The following SPTAN1 variants were observed in gnomAD, a reference collection of about 807,000 sequenced individuals.
SPTAN1 encodes spectrin alpha chain, non-erythrocytic 1.
Under a neutral mutation model 331.3 loss-of-function variants are expected in SPTAN1, and 61 were observed. The ratio of observed to expected loss-of-function variants is 0.18; its 90% CI spans 0.15 to 0.23. The LOEUF is 0.23. Ranked by LOEUF, SPTAN1 falls within the 10% of genes least tolerant of loss-of-function variation. The pLI is 1.00. For synonymous variants in SPTAN1, 1,153 were observed against 1,173.9 expected, an observed-to-expected ratio of 0.98 and a Z score of 0.36; for missense variants, 2,043 against 3,147.9, an observed-to-expected ratio of 0.65 and a Z score of 8.40.
At chr9:128,617,083 G>GA (rs1333740808) in intron 41 of SPTAN1, among the ~76,000 whole-genome samples, 3 of 151,138 alleles carry the variant, frequency 2.0e-5, no homozygotes, top group Non-Finnish European at 4.4e-5. Flanking sequence ...ACCAAAAATA[G>GA]AAAAAATTAG....
chr9:128,613,572 AGAGT>A (rs1856799590), intron 40 of SPTAN1, 87 bp downstream of exon 40: 2 of 1,112,290 alleles, frequency 1.8e-6, no homozygotes. Context: ...TTGAGAAAAG[AGAGT>A]GACTTCTTTC....
intron 1 of SPTAN1, among the ~76,000 whole-genome samples, chr9:128,566,422 A>T (rs187627393): frequency 2.0e-5 from 3 of 152,218 alleles, no homozygotes; most frequent in African/African-American, 7.2e-5. Context: ...TTTCCTCTGA[A>T]TCCTTGAAGC....
intron 28 of SPTAN1, 56 bp from the exon 29 acceptor site, chr9:128,604,270 C>T: frequency 2.6e-6 from 4 of 1,562,208 alleles, no homozygotes; most frequent in Non-Finnish European, 3.5e-6. Context: ...CAAAGTCTGA[C>T]TGGGGGCATG....
At chr9:128,590,416 C>T (rs911709738) in intron 21 of SPTAN1, among the ~76,000 whole-genome samples, 1 of 151,700 alleles carries the variant, frequency 6.6e-6, no homozygotes, top group East Asian at 1.9e-4. Flanking sequence ...AATTATAACT[C>T]GATGAAGCCG....
chr9:128,572,796 C>A (rs1430809830), intron 3 of SPTAN1, among the ~76,000 whole-genome samples: 1 of 152,108 alleles, frequency 6.6e-6, no homozygotes, highest in Non-Finnish European at 1.5e-5. Flanking sequence ...CCCATAGTCA[C>A]CGCCACCCAC....
Position 128,575,190 on chromosome 9 carries a change from C to T in SPTAN1, c.505-9C>T. On this transcript the variant is annotated splice_polypyrimidine_tract_variant and intron_variant, in intron 4 of 56. Coordinates refer to ENST00000372739, the MANE Select transcript of SPTAN1 (RefSeq NM_001130438.3). ...TGGTGACTCTGGCTCTCTTATGGTC[C>T]CTGAATAGGAAGCAATTGTTACTTC... The T allele has an allele frequency of 6.2e-7, 1 of 1,614,062 alleles. No homozygotes were observed. The highest frequency in any genetic ancestry group is 8.5e-7 in the Non-Finnish European group (1 of 1,180,024).
chr9:128,609,626 T>C, intron 36 of SPTAN1, 25 bp from the exon 37 acceptor site: 1 of 1,521,572 alleles, frequency 6.6e-7, no homozygotes, highest in Admixed American at 2.4e-5. Flanking sequence ...TACTGAACTC[T>C]TGTTCTTTTA....
chr9:128,594,202 G>A lies in SPTAN1; in HGVS notation c.3243G>A (p.Glu1081=). 1 of 1,614,124 alleles carries A rather than the reference G, an allele frequency of 6.2e-7. No homozygotes were observed. The highest frequency in any genetic ancestry group is 8.5e-7 in the Non-Finnish European group (1 of 1,180,030). The part of the protein sequence containing the change: ...ELYHSLLELG[E]KRKGMLEKSC... ...ATCATTCTCTGCTGGAACTGGGTGA[G>A]AAGCGTAAAGGCATGTTGGAGAAGA... is the stretch of plus-strand genomic sequence containing the variant. The change falls in exon 24 of 57, where the codon GAG becomes GAA. Residue 1081 remains glutamate (E), a synonymous_variant. Transcript: ENST00000372739.
chr9:128,572,282 C>T (rs1850812692), intron 3 of SPTAN1, among the ~76,000 whole-genome samples: 1 of 152,162 alleles, frequency 6.6e-6, no homozygotes, highest in Admixed American at 6.5e-5. Flanking sequence ...CCACCTGAGT[C>T]AGAACCAGGC....
At chr9:128,609,331 T>C (rs373986338) in intron 36 of SPTAN1, 47 bp downstream of exon 36, 4 of 1,613,236 alleles carry the variant, frequency 2.5e-6, no homozygotes, top group Middle Eastern at 1.7e-4. Flanking sequence ...CCTTATGTTA[T>C]TGAGTAGATT....
At chr9:128,597,626 T>C (rs753371567) in intron 24 of SPTAN1, among the ~76,000 whole-genome samples, 16 of 152,074 alleles carry the variant, frequency 1.1e-4, no homozygotes, top group Non-Finnish European at 1.6e-4. Context: ...CAGATCCTTA[T>C]AGCTTTTTTT....
At chr9:128,610,901 A>C (rs1856489180) in intron 37 of SPTAN1, among the ~76,000 whole-genome samples, 1 of 152,232 alleles carries the variant, frequency 6.6e-6, no homozygotes, top group Admixed American at 6.5e-5. Flanking sequence ...TCCTCTGTCA[A>C]CAGAGGGAAA....
chr9:128,633,613 C>T lies in SPTAN1; in HGVS notation c.*279C>T, dbSNP rs1053154360. ...CCCCTTGTTCTCTCTCCCACCCTCC[C>T]CCAAATCTGTTTTCATGTAAAAGAC... On this transcript the variant is annotated 3_prime_UTR_variant, in exon 57 of 57. Transcript: ENST00000372739. 102 of 1,233,220 alleles carry T rather than the reference C, an allele frequency of 8.3e-5. No individual in the cohort carries two copies. The highest frequency in any genetic ancestry group is 3.1e-4 in the Admixed American group (15 of 48,184). 76.4% of individuals were successfully genotyped at this position (1,233,220 alleles called of 1,614,324 possible). A position where few individuals can be genotyped will look rare whatever the true frequency, so the allele number is the denominator to read the frequency against.
rs1859803216 is a variant in SPTAN1 at position 128,631,891 on chromosome 9, C to T, written c.6763-236C>T. 5.3e-6 allele frequency: 3 copies of T among 570,396 alleles called. No individual in the cohort carries two copies. In the African/African-American group the frequency reaches 5.6e-5, roughly 11 times the overall value. 35.3% of individuals were successfully genotyped at this position (570,396 alleles called of 1,614,324 possible). ...GTACTTGTCCTTGGCGTGCACTGCC[C>T]TCTGGCAGGTCTACCAGCTGCTTTG... On this transcript the variant is annotated intron_variant, in intron 52 of 56. Transcript: ENST00000372739.
chr9:128,578,850 A>C (rs1851620293), intron 9 of SPTAN1, among the ~76,000 whole-genome samples: 1 of 152,060 alleles, frequency 6.6e-6, no homozygotes, highest in South Asian at 2.1e-4. Context: ...AAAAAAAAAA[A>C]AAAACCTTCT....
rs932680159 is a variant in SPTAN1 at position 128,577,634 on chromosome 9, T to A, written c.1085+128T>A. ...GGTATCACCTACAAATGCAAATCAC[T>A]TCTTACCTATGTTCTCTCTGTTTGG... On this transcript the variant is annotated intron_variant, in intron 8 of 56. Transcript: ENST00000372739. The surrounding 1 kb of genome is among the most constrained non-coding windows in gnomAD (Gnocchi z 4.2). 4.8e-6 allele frequency: 6 copies of A among 1,245,390 alleles called. No homozygotes were observed. The highest frequency in any genetic ancestry group is 5.8e-6 in the Non-Finnish European group (5 of 862,896). 77.1% of individuals were successfully genotyped at this position (1,245,390 alleles called of 1,614,324 possible). A position where few individuals can be genotyped will look rare whatever the true frequency, so the allele number is the denominator to read the frequency against.
intron 40 of SPTAN1, among the ~76,000 whole-genome samples, chr9:128,614,913 T>G (rs1318120959): frequency 1.3e-5 from 2 of 152,226 alleles, no homozygotes. Context: ...ACATCATGCA[T>G]GGCTCATTTG....
At chr9:128,610,536 C>T (rs1409593668) in intron 37 of SPTAN1, among the ~76,000 whole-genome samples, 1 of 152,028 alleles carries the variant, frequency 6.6e-6, no homozygotes, top group African/African-American at 2.4e-5. Context: ...TGCAGAATTC[C>T]CCAACACTAC....
At chr9:128,586,898 A>T (rs901051055) in intron 19 of SPTAN1, among the ~76,000 whole-genome samples, 4 of 151,344 alleles carry the variant, frequency 2.6e-5, no homozygotes, top group African/African-American at 9.7e-5. Flanking sequence ...GATAACTGCA[A>T]CCTCCACCTC....
Sources: gnomAD v4.1 joint callset for allele counts (sites outside exome capture counted in the v4.1 genomes callset) on GRCh38, gnomAD v4.1.1 for gene constraint, Gnocchi (gnomAD v3.1) non-coding constraint, MANE v1.5 for transcripts, NCBI Gene and HGNC (gene_info 2026-07-23, HGNC 2026-07-21) for gene names.